The following MYO6 variants were observed in gnomAD, a reference collection of about 807,000 sequenced individuals.
The protein encoded by MYO6 is myosin VI.
In MYO6, 74 loss-of-function variants were observed where a neutral mutation model predicts 178.7. That is an observed-to-expected ratio of 0.41 (90% CI 0.34 to 0.50). MYO6 has a LOEUF of 0.50. Among genes scored for constraint, MYO6 ranks in the 20% least tolerant of loss-of-function variants. The pLI is 0.09. For missense variants in MYO6, 1,330 were observed against 1,547.4 expected, an observed-to-expected ratio of 0.86 and a Z score of 2.36; for synonymous variants, 477 against 504.6, an observed-to-expected ratio of 0.95 and a Z score of 0.73.
chr6:75,759,397 ATTCTTAGTT>A (rs1221942825), intron 1 of MYO6, among the ~76,000 whole-genome samples: 4 of 152,006 alleles, frequency 2.6e-5, no homozygotes, highest in African/African-American at 7.3e-5. Flanking sequence ...ACAGTAAGAA[ATTCTTAGTT>A]CTCCAGAAAT....
rs138093176 is a variant in MYO6, at chr6:75,857,184, C to G, written c.1311C>G (p.Asn437Lys). 1.2e-6 allele frequency: 2 copies of G among 1,613,840 alleles called. No individual in the cohort carries two copies. The highest frequency in any genetic ancestry group is 1.7e-5 in the Admixed American group (1 of 59,996). ...GCCATCTTTTTGATCATGTGGTAAA[C>G]AGAGTAAATCAGTGTTTTCCTTTTG... The part of the protein sequence containing the change: ...VYSHLFDHVV[N>K]RVNQCFPFET... The change falls in exon 13 of 35, where the codon AAC (asparagine) becomes AAG (lysine). Residue 437 changes from asparagine to lysine, a missense_variant. Asn to Lys is a moderately conservative substitution (Grantham distance 94, BLOSUM62 0). Coordinates refer to ENST00000369977, the MANE Select transcript of MYO6 (RefSeq NM_004999.4).
chr6:75,848,335 T>G lies in MYO6; in HGVS notation c.898-16T>G, dbSNP rs1287210719. 4 of 1,610,242 alleles carry G rather than the reference T, an allele frequency of 2.5e-6. No individual in the cohort carries two copies. The Admixed American group carries it at 6.7e-5, about 27-fold the overall frequency. ...TAATGTAACGATCAGTTAATTGGTG[T>G]CTTCTTGTTTTGTAGTACCTTAAGG... On this transcript the variant is annotated splice_polypyrimidine_tract_variant and intron_variant, in intron 10 of 34. Coordinates refer to ENST00000369977, the MANE Select transcript of MYO6 (RefSeq NM_004999.4).
At chr6:75,820,546 T>TG (rs1229437328) in intron 2 of MYO6, among the ~76,000 whole-genome samples, 2 of 152,032 alleles carry the variant, frequency 1.3e-5, no homozygotes, top group Non-Finnish European at 2.9e-5. Flanking sequence ...ATTTGTTGTA[T>TG]TTTTAGTAGA....
At chr6:75,754,012 A>G (rs1026420828) in intron 1 of MYO6, among the ~76,000 whole-genome samples, 7 of 152,300 alleles carry the variant, frequency 4.6e-5, no homozygotes, top group Admixed American at 3.9e-4. Context: ...TAAAGAAGAA[A>G]TCTGGCATCT....
chr6:75,773,380 G>C (rs1766074842), intron 1 of MYO6, among the ~76,000 whole-genome samples: 1 of 152,166 alleles, frequency 6.6e-6, no homozygotes, highest in Admixed American at 6.5e-5. Flanking sequence ...AACTGGAATT[G>C]ATTACCTTGA....
chr6:75,879,607 T>C (rs1051132957), intron 20 of MYO6, among the ~76,000 whole-genome samples: 4 of 152,134 alleles, frequency 2.6e-5, no homozygotes, highest in South Asian at 2.1e-4. Flanking sequence ...AAGAGTCTTA[T>C]TGGGTTTACA....
chr6:75,846,169 T>C (rs147732731), intron 10 of MYO6, among the ~76,000 whole-genome samples: 6 of 152,124 alleles, frequency 3.9e-5, no homozygotes, highest in African/African-American at 1.4e-4. Flanking sequence ...TTTACAACCC[T>C]TATAAATTTT....
At chr6:75,775,860 A>G (rs546246484) in intron 1 of MYO6, among the ~76,000 whole-genome samples, 2 of 152,304 alleles carry the variant, frequency 1.3e-5, no homozygotes, top group East Asian at 1.9e-4. Context: ...TCCTAATATG[A>G]GTAATTAGTG....
chr6:75,856,987 T>G, intron 12 of MYO6, 110 bp from the exon 13 acceptor site: 1 of 1,002,566 alleles, frequency 1.0e-6, no homozygotes, highest in Non-Finnish European at 1.5e-6. Flanking sequence ...ACATGACCTT[T>G]GGTAACTCTT....
intron 1 of MYO6, among the ~76,000 whole-genome samples, chr6:75,806,661 C>A (rs1308031928): frequency 3.3e-5 from 5 of 152,216 alleles, no homozygotes; most frequent in African/African-American, 1.2e-4. Flanking sequence ...CGGAAAACTG[C>A]TTAAAGACAT....
At chr6:75,753,455 G>GTGTATATATATA (rs370647728) in intron 1 of MYO6, among the ~76,000 whole-genome samples, 50 of 140,052 alleles carry the variant, frequency 3.6e-4, no homozygotes, top group African/African-American at 1.3e-3. Flanking sequence ...GTGTGTGTGT[G>GTGTATATATATA]TATATATATA....
At chr6:75,865,754 T>A (rs1372633641) in intron 16 of MYO6, among the ~76,000 whole-genome samples, 1 of 152,106 alleles carries the variant, frequency 6.6e-6, no homozygotes, top group Admixed American at 6.6e-5. Context: ...GATATACATG[T>A]GAGATATTAT....
intron 23 of MYO6, 83 bp from the exon 24 acceptor site, chr6:75,885,921 A>G (rs1295924964): frequency 1.2e-6 from 1 of 816,716 alleles, no homozygotes; most frequent in Non-Finnish European, 2.0e-6. Flanking sequence ...CTTGAGCATT[A>G]CTTTGTGAAA....
At chr6:75,820,535 A>T in intron 2 of MYO6, among the ~76,000 whole-genome samples, 1 of 151,700 alleles carries the variant, frequency 6.6e-6, no homozygotes, top group East Asian at 1.9e-4. Context: ...ATGTCTGGCT[A>T]ATTTGTTGTA....
chr6:75,897,655 C>T (rs761632443), intron 29 of MYO6, among the ~76,000 whole-genome samples: 18 of 151,964 alleles, frequency 1.2e-4, no homozygotes, highest in South Asian at 2.1e-4. Flanking sequence ...AAAATAATTA[C>T]GAAGGAAAAG....
chr6:75,866,437 A>G (rs975484359), intron 16 of MYO6, 89 bp from the exon 17 acceptor site: 3 of 1,025,376 alleles, frequency 2.9e-6, no homozygotes, highest in Admixed American at 3.6e-5. Flanking sequence ...GTATAATTTT[A>G]AGTGTTTTAC....
At chr6:75,908,431 T>C (rs1780509947) in intron 31 of MYO6, 65 bp from the exon 32 acceptor site, 1 of 1,478,556 alleles carries the variant, frequency 6.8e-7, no homozygotes, top group Admixed American at 1.8e-5. Context: ...AGAATAATTA[T>C]ATCATTATGT....
intron 18 of MYO6, 56 bp from the exon 19 acceptor site, chr6:75,870,591 T>C (rs1424273836): frequency 7.3e-7 from 1 of 1,372,908 alleles, no homozygotes; most frequent in South Asian, 1.2e-5. Context: ...TATTAACTCA[T>C]GACACTGTGT....
chr6:75,912,652 T>C (rs1158938829), intron 33 of MYO6, among the ~76,000 whole-genome samples: 1 of 152,096 alleles, frequency 6.6e-6, no homozygotes, highest in Admixed American at 6.5e-5. Context: ...AAACTGGACA[T>C]TAAATTCTAA....
Sources: gnomAD v4.1 joint callset for allele counts (sites outside exome capture counted in the v4.1 genomes callset) on GRCh38, gnomAD v4.1.1 for gene constraint, MANE v1.5 for transcripts, NCBI Gene and HGNC (gene_info 2026-07-23, HGNC 2026-07-21) for gene names.